Variants in GFOD2 observed in about 807,000 individuals in gnomAD.
GFOD2 encodes the protein glucose-fructose oxidoreductase domain-containing protein 2.
In GFOD2, 9 loss-of-function variants were observed where a neutral mutation model predicts 24.6. That is an observed-to-expected ratio of 0.37 (90% confidence interval 0.22 to 0.64). The LOEUF (loss-of-function observed/expected upper bound fraction) is 0.64. Ranked by LOEUF, GFOD2 falls within the 30% of genes least tolerant of loss-of-function variation. The pLI is 0.65. For missense variants in GFOD2, 476 were observed against 532.5 expected (o/e 0.89, Z 1.04); for synonymous variants, 211 against 224.8 (o/e 0.94, Z 0.55).
intron 1 of GFOD2, among the ~76,000 whole-genome samples, chr16:67,714,852 G>A (rs533816664): frequency 1.6e-4 from 24 of 152,220 alleles, no homozygotes; most frequent in African/African-American, 5.1e-4. Flanking sequence ...ATGTTCCCAC[G>A]AATTTCAGGA....
intron 1 of GFOD2, among the ~76,000 whole-genome samples, chr16:67,704,234 G>C (rs1048741932): frequency 6.6e-6 from 1 of 152,072 alleles, no homozygotes; most frequent in Non-Finnish European, 1.5e-5. Context: ...TTTAATTTGG[G>C]TGACTGTTTA....
intron 1 of GFOD2, among the ~76,000 whole-genome samples, chr16:67,710,581 C>T (rs1295636355): frequency 6.6e-6 from 1 of 151,936 alleles, no homozygotes; most frequent in Admixed American, 6.6e-5. Flanking sequence ...CCAGGATGGT[C>T]TCGATCTCCT....
rs778251875 is a variant in GFOD2 at position 67,675,678 on chromosome 16, C to T, written c.635G>A (p.Arg212His). ...ATCGCTAGTGACGTGCCGGATGCCA[C>T]GGATGGCAGCGTTCTGCCTCACGAA... ...KTFVRQNAAI[R>H]GIRHVTSDDF... Residue 212 changes from arginine (R) to histidine (H), a missense_variant, in exon 3 of 3, where the codon CGT becomes CAT. By Grantham distance (29) the Arg-to-His change is conservative. Coordinates refer to ENST00000268797, the MANE Select transcript of GFOD2 (RefSeq NM_030819.4). 1.1e-5 allele frequency: 18 copies of T among 1,613,592 alleles called. No homozygotes were observed. The highest frequency in any genetic ancestry group is 3.3e-4 in the Middle Eastern group (2 of 6,084).
chr16:67,679,078 G>C (rs1481121223), intron 2 of GFOD2, among the ~76,000 whole-genome samples: 1 of 152,160 alleles, frequency 6.6e-6, no homozygotes, highest in Non-Finnish European at 1.5e-5. Context: ...GAGGTAGGAC[G>C]ATCCCTTGAG....
intron 2 of GFOD2, 95 bp downstream of exon 2, chr16:67,685,362 C>T (rs554415422): frequency 9.6e-6 from 15 of 1,567,456 alleles, no homozygotes; most frequent in Non-Finnish European, 1.1e-5. Context: ...CAGATGCGAG[C>T]CCAGGAAGGA....
intron 2 of GFOD2, among the ~76,000 whole-genome samples, chr16:67,680,008 C>T (rs1022333769): frequency 6.6e-6 from 1 of 152,166 alleles, no homozygotes; most frequent in Admixed American, 6.5e-5. Flanking sequence ...CAGAGCCTTC[C>T]TCCCAGCTTT....
At chr16:67,683,008 T>A (rs1279953249) in intron 2 of GFOD2, 1 of 303,272 alleles carries the variant, frequency 3.3e-6, no homozygotes, top group Non-Finnish European at 4.8e-6. Context: ...ACTCTGTCAC[T>A]CAAGCTGGAG....
intron 1 of GFOD2, among the ~76,000 whole-genome samples, chr16:67,698,164 C>A (rs566963732): frequency 1.6e-4 from 24 of 152,302 alleles, no homozygotes; most frequent in African/African-American, 5.5e-4. Context: ...TTCTCTCCCT[C>A]CCAGGATATG....
chr16:67,707,777 C>T (rs2053448774), intron 1 of GFOD2, among the ~76,000 whole-genome samples: 1 of 152,110 alleles, frequency 6.6e-6, no homozygotes, highest in East Asian at 1.9e-4. Context: ...TCTCAACCTG[C>T]TGGCCTCAAG....
intron 1 of GFOD2, among the ~76,000 whole-genome samples, chr16:67,700,023 C>T (rs775116291): frequency 5.3e-5 from 8 of 151,746 alleles, no homozygotes; most frequent in Non-Finnish European, 1.2e-4. Context: ...TGCAGTGAGC[C>T]ATTTTTGCAC....
chr16:67,693,575 A>C (rs765443311), intron 1 of GFOD2, among the ~76,000 whole-genome samples: 18 of 152,124 alleles, frequency 1.2e-4, no homozygotes, highest in Non-Finnish European at 2.2e-4. Context: ...CCTGGCTAGA[A>C]TCTTTTTTGG....
In GFOD2 at chr16:67,717,382, G is replaced by A. The variant is rs188583833; in HGVS notation, c.-88+1781C>T. 7.1e-4 allele frequency among the ~76,000 whole-genome samples: 108 copies of A among 152,284 alleles called. 2 individuals are homozygous for A. The highest frequency in any genetic ancestry group is 3.9e-4 in the East Asian group (2 of 5,194). ...GGGACCATCTTTTAAAAATCACATA[G>A]TTCTAATTTTTAAGTTTTGGGTCAG... is the stretch of plus-strand genomic sequence containing the variant. On this transcript the variant is annotated intron_variant, in intron 1 of 2. Transcript: ENST00000268797.
intron 1 of GFOD2, 121 bp from the exon 2 acceptor site, chr16:67,685,923 G>T (rs1044626287): frequency 1.8e-6 from 1 of 559,670 alleles, no homozygotes; most frequent in Non-Finnish European, 3.1e-6. Context: ...TGGTGCGAAG[G>T]CTACTTTCAA....
At chr16:67,698,318 C>T (rs1167292336) in intron 1 of GFOD2, among the ~76,000 whole-genome samples, 4 of 152,142 alleles carry the variant, frequency 2.6e-5, no homozygotes, top group African/African-American at 9.7e-5. Flanking sequence ...CCTTGCCAGT[C>T]CCTGGGTGCT....
At chr16:67,678,104 G>A (rs1380277071) in intron 2 of GFOD2, among the ~76,000 whole-genome samples, 2 of 152,248 alleles carry the variant, frequency 1.3e-5, no homozygotes, top group Non-Finnish European at 2.9e-5. Context: ...AGGCTCAGGA[G>A]GGGCCAGCTT....
In GFOD2 at chr16:67,675,287, C is replaced by T. The variant is rs2053174838; in HGVS notation, c.1026G>A (p.Leu342=). Residue 342 remains leucine, a synonymous_variant, in exon 3 of 3, where the codon CTG becomes CTA. Coordinates refer to ENST00000268797, the MANE Select transcript of GFOD2 (RefSeq NM_030819.4). The part of the protein sequence containing the change: ...VSMAASFEDG[L]YMQSVVDAIK... ...TGGCATCCACCACGCTCTGCATGTACAGCCCATCCTCGAAGGAGGCGGCCA... is the reference window on the plus strand; with the variant it reads ...TGGCATCCACCACGCTCTGCATGTATAGCCCATCCTCGAAGGAGGCGGCCA... The T allele has an allele frequency of 6.2e-7, 1 of 1,612,964 alleles. No homozygotes were observed. Among genetic ancestry groups the T allele is most frequent in the Non-Finnish European group, 8.5e-7 (1 of 1,180,030 alleles).
intron 1 of GFOD2, among the ~76,000 whole-genome samples, chr16:67,715,805 G>A (rs1567663711): frequency 6.6e-6 from 1 of 150,426 alleles, no homozygotes; most frequent in Admixed American, 6.6e-5. Context: ...TCTAGAATTG[G>A]ACCCCCTGTT....
At chr16:67,693,035 CA>C (rs2053327739) in intron 1 of GFOD2, among the ~76,000 whole-genome samples, 1 of 149,068 alleles carries the variant, frequency 6.7e-6, no homozygotes, top group Non-Finnish European at 1.5e-5. Flanking sequence ...GTCTCAAAAA[CA>C]AAAACAAAAA....
intron 1 of GFOD2, among the ~76,000 whole-genome samples, chr16:67,716,850 C>A (rs2053510241): frequency 6.6e-6 from 1 of 152,190 alleles, no homozygotes; most frequent in Admixed American, 6.5e-5. Flanking sequence ...TCACAATACC[C>A]ATAGTTATGG....
Sources: gnomAD v4.1 joint callset for allele counts (sites outside exome capture counted in the v4.1 genomes callset) on GRCh38, gnomAD v4.1.1 for gene constraint, MANE v1.5 for transcripts, NCBI Gene and HGNC (gene_info 2026-07-23, HGNC 2026-07-21) for gene names.